Variants in CSNK1G3 observed in about 807,000 individuals in gnomAD.
CSNK1G3 encodes the protein casein kinase 1 gamma 3.
In CSNK1G3, 23 loss-of-function variants were observed where a neutral mutation model predicts 64.3. That is an observed-to-expected ratio of 0.36 (90% confidence interval 0.26 to 0.51). The LOEUF is 0.51. CSNK1G3 is among the 20% of genes least tolerant of loss of function. The pLI is 0.96. For missense variants in CSNK1G3, 357 were observed against 510.5 expected (o/e 0.70, Z 2.90); for synonymous variants, 158 against 162.2 (o/e 0.97, Z 0.20).
chr5:123,550,989 C>T (rs954688844), intron 2 of CSNK1G3, among the ~76,000 whole-genome samples: 1 of 152,170 alleles, frequency 6.6e-6, no homozygotes, highest in Non-Finnish European at 1.5e-5. Flanking sequence ...TCTGCTGTGA[C>T]CTCAAAGGTA....
intron 4 of CSNK1G3, among the ~76,000 whole-genome samples, chr5:123,566,292 C>T (rs1490478982): frequency 6.6e-6 from 1 of 152,088 alleles, no homozygotes; most frequent in African/African-American, 2.4e-5. Context: ...ATTTTGTATT[C>T]ATACTCCTTG....
At chr5:123,607,987 A>G (rs1398119944) in intron 12 of CSNK1G3, among the ~76,000 whole-genome samples, 1 of 152,018 alleles carries the variant, frequency 6.6e-6, no homozygotes, top group Non-Finnish European at 1.5e-5. Flanking sequence ...AAGAGATGGA[A>G]TCTTGCTGTG....
intron 12 of CSNK1G3, among the ~76,000 whole-genome samples, chr5:123,606,552 A>C (rs1362492248): frequency 1.3e-5 from 2 of 152,160 alleles, no homozygotes; most frequent in African/African-American, 4.8e-5. Flanking sequence ...TGAGAAAATT[A>C]AATGTGATAA....
intron 12 of CSNK1G3, among the ~76,000 whole-genome samples, chr5:123,611,354 A>C (rs1796302449): frequency 6.6e-6 from 1 of 152,174 alleles, no homozygotes; most frequent in Admixed American, 6.5e-5. Context: ...CTTTATAAGG[A>C]CGTTCTTTAT....
At chr5:123,593,423 C>T (rs1272324402) in intron 10 of CSNK1G3, among the ~76,000 whole-genome samples, 1 of 151,984 alleles carries the variant, frequency 6.6e-6, no homozygotes, top group Non-Finnish European at 1.5e-5. Context: ...GATTATGTCA[C>T]GTGACTTAAA....
chr5:123,600,706 A>C (rs541925261), intron 10 of CSNK1G3, among the ~76,000 whole-genome samples: 7 of 152,238 alleles, frequency 4.6e-5, no homozygotes, highest in South Asian at 4.1e-4. Flanking sequence ...TGGAAAGTAC[A>C]TTAATTGATT....
At chr5:123,512,984 AT>A (rs1040736480) in intron 1 of CSNK1G3, among the ~76,000 whole-genome samples, 5 of 151,988 alleles carry the variant, frequency 3.3e-5, no homozygotes, top group South Asian at 2.1e-4. Flanking sequence ...TGTCCAGACA[AT>A]TACCTTTGGA....
At chr5:123,549,086 A>G (rs1343941576) in intron 2 of CSNK1G3, among the ~76,000 whole-genome samples, 1 of 152,168 alleles carries the variant, frequency 6.6e-6, no homozygotes, top group Non-Finnish European at 1.5e-5. Context: ...TTGCATCATT[A>G]TATAAAGTTG....
chr5:123,591,300 A>G lies in CSNK1G3; in HGVS notation c.991-19A>G. The G allele has an allele frequency of 6.7e-7, 1 of 1,487,986 alleles. No individual in the cohort carries two copies. The highest frequency in any genetic ancestry group is 9.2e-7 in the Non-Finnish European group (1 of 1,090,704). 92.2% of individuals were successfully genotyped at this position (1,487,986 alleles called of 1,614,324 possible). ...TTTTAAAATGGAATGTATTGATACC[A>G]ATTGTTATTGTATTGTAGCCTACTC... is the stretch of plus-strand genomic sequence containing the variant. On this transcript the variant is annotated intron_variant, in intron 9 of 12. Transcript: ENST00000345990.
chr5:123,560,581 C>A (rs1246300809), intron 4 of CSNK1G3, among the ~76,000 whole-genome samples: 14 of 152,204 alleles, frequency 9.2e-5, no homozygotes, highest in Admixed American at 9.2e-4. Context: ...AATCCCAGCA[C>A]TGAGACTTGT....
intron 10 of CSNK1G3, 133 bp downstream of exon 11, chr5:123,595,267 C>A (rs1793207119): frequency 6.4e-6 from 5 of 785,094 alleles, no homozygotes; most frequent in Admixed American, 3.3e-5. Context: ...TAATTCTATT[C>A]CTTTGTTATT....
intron 10 of CSNK1G3, among the ~76,000 whole-genome samples, chr5:123,591,956 G>A (rs973695153): frequency 6.6e-6 from 1 of 151,934 alleles, no homozygotes; most frequent in Non-Finnish European, 1.5e-5. Context: ...TCTATAAAAT[G>A]GAAATAATGC....
intron 2 of CSNK1G3, among the ~76,000 whole-genome samples, chr5:123,549,430 T>A (rs1440524699): frequency 6.6e-6 from 1 of 152,172 alleles, no homozygotes; most frequent in Non-Finnish European, 1.5e-5. Flanking sequence ...CTATGATATG[T>A]GCTCTAACCA....
chr5:123,523,640 C>G (rs1431687789), intron 1 of CSNK1G3, among the ~76,000 whole-genome samples: 1 of 152,116 alleles, frequency 6.6e-6, no homozygotes. Context: ...CAGTAGGAGA[C>G]TTTTAGAATT....
intron 12 of CSNK1G3, 97 bp from the exon 14 acceptor site, chr5:123,614,245 C>A (rs965357380): frequency 1.7e-6 from 2 of 1,143,816 alleles, no homozygotes; most frequent in African/African-American, 3.1e-5. Flanking sequence ...TTGCACTAGC[C>A]TGTTGCTTTT....
At chr5:123,555,857 G>A (rs1013509861) in intron 3 of CSNK1G3, among the ~76,000 whole-genome samples, 1 of 152,010 alleles carries the variant, frequency 6.6e-6, no homozygotes, top group East Asian at 1.9e-4. Flanking sequence ...TGTGTACATG[G>A]ACATCTTTTT....
chr5:123,599,785 A>C (rs1279954363), intron 10 of CSNK1G3, among the ~76,000 whole-genome samples: 1 of 152,086 alleles, frequency 6.6e-6, no homozygotes, highest in African/African-American at 2.4e-5. Context: ...TTATTACATA[A>C]ATAATTTATA....
chr5:123,614,559 T>C (rs2151293684), exon 13 of CSNK1G3: 1 of 560,218 alleles, frequency 1.8e-6, no homozygotes, highest in Non-Finnish European at 3.0e-6. Flanking sequence ...ACATTCTTTT[T>C]CTTTTTTTTT....
At chr5:123,573,980 G>C (rs968955001) in intron 5 of CSNK1G3, among the ~76,000 whole-genome samples, 2 of 151,748 alleles carry the variant, frequency 1.3e-5, no homozygotes, top group African/African-American at 2.4e-5. Context: ...CTCCCGAGTA[G>C]CTGGGACAAC....
Sources: gnomAD v4.1 joint callset for allele counts (sites outside exome capture counted in the v4.1 genomes callset) on GRCh38, gnomAD v4.1.1 for gene constraint, MANE v1.5 for transcripts, NCBI Gene and HGNC (gene_info 2026-07-23, HGNC 2026-07-21) for gene names.